Variants in CYP19A1 observed in about 807,000 individuals in gnomAD.
CYP19A1 encodes the protein aromatase.
In CYP19A1, 32 loss-of-function variants were observed where a neutral mutation model predicts 44.4. The observed-to-expected ratio is 0.72, with a 90% CI of 0.54 to 0.97. The LOEUF is 0.97. CYP19A1 is among the 50% of genes least tolerant of loss of function. The pLI is 0.00. For synonymous variants in CYP19A1, 212 were observed against 215.6 expected (o/e 0.98, Z 0.14); for missense variants, 598 against 637.8 (o/e 0.94, Z 0.67).
At chr15:51,300,491 G>T (rs1426725548) in intron 1 of CYP19A1, among the ~76,000 whole-genome samples, 1 of 152,184 alleles carries the variant, frequency 6.6e-6, no homozygotes, top group South Asian at 2.1e-4. Context: ...TCACCTATAG[G>T]AGAATTGAGT....
intron 1 of CYP19A1, among the ~76,000 whole-genome samples, chr15:51,302,181 A>C (rs991565182): frequency 6.6e-6 from 1 of 152,172 alleles, no homozygotes; most frequent in African/African-American, 2.4e-5. Flanking sequence ...GTATGTGTCC[A>C]TTCTGGCTCT....
At chr15:51,279,327 G>C (rs1352765355) in intron 1 of CYP19A1, among the ~76,000 whole-genome samples, 1 of 152,338 alleles carries the variant, frequency 6.6e-6, no homozygotes, top group East Asian at 1.9e-4. Context: ...GAGAGGCAAG[G>C]TGAGGCCTGG....
intron 1 of CYP19A1, among the ~76,000 whole-genome samples, chr15:51,261,648 G>A (rs776179586): frequency 6.6e-6 from 1 of 152,172 alleles, no homozygotes; most frequent in Admixed American, 6.5e-5. Flanking sequence ...CATACAACTG[G>A]AAATAAAACT....
At chr15:51,282,801 G>C (rs188245277) in intron 1 of CYP19A1, among the ~76,000 whole-genome samples, 5 of 152,346 alleles carry the variant, frequency 3.3e-5, no homozygotes, top group African/African-American at 1.2e-4. Context: ...AGGAAGCTTG[G>C]TGGGAAAGCT....
intron 1 of CYP19A1, among the ~76,000 whole-genome samples, chr15:51,273,310 A>G (rs2035195184): frequency 6.6e-6 from 1 of 152,164 alleles, no homozygotes; most frequent in Non-Finnish European, 1.5e-5. Flanking sequence ...TAGTGTTTGG[A>G]CACTCTGATG....
intron 1 of CYP19A1, among the ~76,000 whole-genome samples, chr15:51,287,358 C>T (rs184298088): frequency 7.2e-5 from 11 of 152,272 alleles, no homozygotes; most frequent in Admixed American, 2.0e-4. Flanking sequence ...TAACGCAATG[C>T]GAACCTTGAT....
At chr15:51,232,300 C>A (rs544895722) in intron 3 of CYP19A1, among the ~76,000 whole-genome samples, 1 of 152,306 alleles carries the variant, frequency 6.6e-6, no homozygotes, top group Non-Finnish European at 1.5e-5. Context: ...AATCTCCATG[C>A]ATTCCCTTGC....
intron 1 of CYP19A1, among the ~76,000 whole-genome samples, chr15:51,334,759 G>A (rs1050037915): frequency 2.0e-5 from 3 of 152,164 alleles, no homozygotes; most frequent in Non-Finnish European, 2.9e-5. Flanking sequence ...GGAGATGTGG[G>A]GACCTGAGGG....
intron 1 of CYP19A1, among the ~76,000 whole-genome samples, chr15:51,273,871 G>T (rs998234660): frequency 2.6e-4 from 40 of 152,278 alleles, no homozygotes; most frequent in African/African-American, 9.1e-4. Context: ...GCCGGGCATG[G>T]TGGCAGGCGC....
intron 1 of CYP19A1, among the ~76,000 whole-genome samples, chr15:51,250,886 T>C (rs1449419311): frequency 6.6e-6 from 1 of 152,096 alleles, no homozygotes. Context: ...GTAGATAAGG[T>C]AGTGGAATTT....
At chr15:51,229,980 G>A (rs992990945) in intron 3 of CYP19A1, among the ~76,000 whole-genome samples, 4 of 152,274 alleles carry the variant, frequency 2.6e-5, no homozygotes, top group African/African-American at 9.6e-5. Context: ...TAGTAATAAA[G>A]AGCCAACCTT....
intron 1 of CYP19A1, among the ~76,000 whole-genome samples, chr15:51,282,579 G>C (rs146599147): frequency 6.3e-4 from 96 of 152,280 alleles, no homozygotes; most frequent in African/African-American, 2.2e-3. Context: ...CTCCATACTT[G>C]CGTTGGCCAC....
chr15:51,286,411 G>A (rs1018213543), intron 1 of CYP19A1, among the ~76,000 whole-genome samples: 1 of 152,214 alleles, frequency 6.6e-6, no homozygotes, highest in African/African-American at 2.4e-5. Context: ...TCTGTCTTCA[G>A]GCACTTGTTT....
At chr15:51,263,176 G>C (rs558251334) in intron 1 of CYP19A1, among the ~76,000 whole-genome samples, 89 of 152,282 alleles carry the variant, frequency 5.8e-4, no homozygotes, top group African/African-American at 2.1e-3. Flanking sequence ...CTGTCATAAG[G>C]TGTAAATAAA....
At chr15:51,217,950 T>A (rs1415558364) in intron 6 of CYP19A1, among the ~76,000 whole-genome samples, 1 of 152,200 alleles carries the variant, frequency 6.6e-6, no homozygotes, top group East Asian at 1.9e-4. Context: ...TGTAGGCCAC[T>A]GGGCATTTGT....
intron 1 of CYP19A1, among the ~76,000 whole-genome samples, chr15:51,285,450 G>A (rs937682220): frequency 5.9e-5 from 9 of 152,322 alleles, no homozygotes; most frequent in African/African-American, 1.9e-4. Flanking sequence ...AATAATGATA[G>A]CTGTGGCGGT....
At chr15:51,326,590 A>G (rs2036611906) in intron 1 of CYP19A1, among the ~76,000 whole-genome samples, 1 of 152,268 alleles carries the variant, frequency 6.6e-6, no homozygotes, top group South Asian at 2.1e-4. Flanking sequence ...AACAATGTGT[A>G]TATGACATAG....
In CYP19A1 at chr15:51,212,613, G is replaced by A. The variant is rs898849481; in HGVS notation, c.1022-52C>T. 3 of 1,229,078 alleles carry A rather than the reference G, an allele frequency of 2.4e-6. No individual in the cohort carries two copies. The African/African-American group carries it at 4.5e-5, about 18-fold the overall frequency. 76.1% of individuals were successfully genotyped at this position (1,229,078 alleles called of 1,614,324 possible). A position where few individuals can be genotyped will look rare whatever the true frequency, so the allele number is the denominator to read the frequency against. On this transcript the variant is annotated intron_variant, in intron 8 of 9. Coordinates refer to ENST00000396402, the MANE Select transcript of CYP19A1 (RefSeq NM_000103.4). Reference sequence around the variant, plus strand: ...GAAGGTAATGTTAGTTTCCATCTGTGATTGGTATTAAAGCTTCTATTTTTT... The same window carrying A: ...GAAGGTAATGTTAGTTTCCATCTGTAATTGGTATTAAAGCTTCTATTTTTT...
At chr15:51,221,128 G>C (rs557763900) in intron 5 of CYP19A1, among the ~76,000 whole-genome samples, 15 of 152,208 alleles carry the variant, frequency 9.9e-5, no homozygotes, top group African/African-American at 3.4e-4. Flanking sequence ...TTGAGGCAAT[G>C]TAAGGCCAAT....
Sources: allele counts gnomAD v4.1 joint callset (sites outside exome capture counted in the v4.1 genomes callset), GRCh38; gene constraint gnomAD v4.1.1; transcripts MANE v1.5; gene names NCBI Gene and HGNC (gene_info 2026-07-23, HGNC 2026-07-21).